TMTC2: variants seen among roughly 807,000 people sequenced by gnomAD.
The protein encoded by TMTC2 is protein O-mannosyl-transferase TMTC2.
TMTC2 carries 43 observed loss-of-function variants against 82.4 expected under a neutral mutation model. The observed-to-expected ratio is 0.52, with a 90% confidence interval of 0.41 to 0.67. The LOEUF is 0.67. Ranked by LOEUF, TMTC2 falls within the 30% of genes least tolerant of loss-of-function variation. The pLI is 0.00. For missense variants in TMTC2, 919 were observed against 1,012.4 expected (o/e 0.91, Z 1.25); for synonymous variants, 408 against 381.9 (o/e 1.07, Z -0.80).
At chr12:82,925,648 T>G (rs1156451830) in intron 3 of TMTC2, among the ~76,000 whole-genome samples, 1 of 152,206 alleles carries the variant, frequency 6.6e-6, no homozygotes, top group Non-Finnish European at 1.5e-5. Context: ...TTTTTAATTA[T>G]TATATCTGTT....
chr12:83,093,399 T>C lies in TMTC2; in HGVS notation c.2331+31568T>C, dbSNP rs1181691701. ...CTCCAGATGTTTCTAGACTTTTCCGTTTCTTTTGTGCCCAAAAGCTGAAAC... is the reference window on the plus strand; with the variant it reads ...CTCCAGATGTTTCTAGACTTTTCCGCTTCTTTTGTGCCCAAAAGCTGAAAC... On this transcript the variant is annotated intron_variant, in intron 11 of 11. Transcript: ENST00000321196. Among the ~76,000 whole-genome samples the C allele has an allele frequency of 2.0e-5, 3 of 152,334 alleles. No homozygotes were observed. The South Asian group carries it at 6.2e-4, about 32-fold the overall frequency.
chr12:82,965,688 G>C lies in TMTC2; in HGVS notation c.1813G>C (p.Val605Leu), dbSNP rs760504766. The C allele has an allele frequency of 3.7e-6, 6 of 1,613,838 alleles. No individual in the cohort carries two copies. In the East Asian group the frequency reaches 1.3e-4, roughly 36 times the overall value. The change falls in exon 6 of 12, where the codon GTT becomes CTT. Residue 605 changes from valine to leucine, a missense_variant. Coordinates refer to ENST00000321196, the MANE Select transcript of TMTC2 (RefSeq NM_152588.3). Reference protein sequence around the residue: ...LKDPHAHKSSVTSCLYNLGKL... With the variant: ...LKDPHAHKSSLTSCLYNLGKL... ...GGACCCTCATGCACACAAGAGCTCT[G>C]TTACCAGTTGTTTGTACAACCTAGG...
chr12:82,870,178 C>G (rs1872101975), intron 2 of TMTC2, among the ~76,000 whole-genome samples: 1 of 152,022 alleles, frequency 6.6e-6, no homozygotes, highest in African/African-American at 2.4e-5. Flanking sequence ...TCCAAGCTTC[C>G]TCGTGAAATT....
chr12:82,690,558 C>A, intron 1 of TMTC2: 1 of 248,460 alleles, frequency 4.0e-6, no homozygotes, highest in Non-Finnish European at 6.4e-6. Flanking sequence ...ATAGCACAAT[C>A]AATTTCTCTA....
chr12:83,091,548 A>T (rs1026349402), intron 11 of TMTC2, among the ~76,000 whole-genome samples: 2 of 152,176 alleles, frequency 1.3e-5, no homozygotes, highest in African/African-American at 4.8e-5. Context: ...AATAATGTCC[A>T]TTTTTTATGT....
intron 1 of TMTC2, among the ~76,000 whole-genome samples, chr12:82,828,388 TGG>T (rs914566030): frequency 6.6e-6 from 1 of 151,922 alleles, no homozygotes; most frequent in African/African-American, 2.4e-5. Flanking sequence ...TATGTAGAGA[TGG>T]GGTTTCGCCA....
At chr12:82,801,116 T>C (rs1462591201) in intron 1 of TMTC2, among the ~76,000 whole-genome samples, 1 of 152,084 alleles carries the variant, frequency 6.6e-6, no homozygotes, top group Non-Finnish European at 1.5e-5. Flanking sequence ...ATAGGCCCCA[T>C]GGGAGGATTT....
intron 1 of TMTC2, among the ~76,000 whole-genome samples, chr12:82,851,006 G>A (rs1414425415): frequency 6.6e-6 from 1 of 152,068 alleles, no homozygotes; most frequent in Non-Finnish European, 1.5e-5. Flanking sequence ...AGAGGTTGCA[G>A]TGAGCTGAAA....
chr12:82,884,322 C>T (rs903266557), intron 2 of TMTC2, among the ~76,000 whole-genome samples: 7 of 152,306 alleles, frequency 4.6e-5, no homozygotes, highest in Admixed American at 4.6e-4. Flanking sequence ...TTCTAATATA[C>T]TACAAACGCT....
rs12318452 is a variant in TMTC2 at position 82,728,486 on chromosome 12, C to T, written c.83+40817C>T. ...CTGTAATCCCACCACTTTGGGAGGC[C>T]GAGGTGGGCAGATCACCTGAGGTCA... On this transcript the variant is annotated intron_variant, in intron 1 of 11. Transcript: ENST00000321196. Among the ~76,000 whole-genome samples the T allele has an allele frequency of 3.7e-3, 560 of 152,102 alleles. 3 individuals carry two copies. Among genetic ancestry groups the T allele is most frequent in the African/African-American group, 0.013 (540 of 41,504 alleles).
intron 1 of TMTC2, among the ~76,000 whole-genome samples, chr12:82,699,597 A>C (rs1366613554): frequency 6.6e-6 from 1 of 152,228 alleles, no homozygotes; most frequent in Non-Finnish European, 1.5e-5. Context: ...GTTTTCCTGC[A>C]CCGACGTGTT....
chr12:82,891,045 C>T (rs184451918), intron 2 of TMTC2, among the ~76,000 whole-genome samples: 1 of 152,152 alleles, frequency 6.6e-6, no homozygotes, highest in East Asian at 1.9e-4. Flanking sequence ...AGTGTTAGGT[C>T]AGTTTGTTAC....
intron 4 of TMTC2, among the ~76,000 whole-genome samples, chr12:82,941,288 G>A (rs1876704831): frequency 6.6e-6 from 1 of 152,068 alleles, no homozygotes; most frequent in Non-Finnish European, 1.5e-5. Flanking sequence ...TGGGACTATA[G>A]GCACATGACA....
intron 9 of TMTC2, among the ~76,000 whole-genome samples, chr12:83,036,811 T>C (rs186656875): frequency 6.6e-6 from 1 of 152,254 alleles, no homozygotes; most frequent in South Asian, 2.1e-4. Flanking sequence ...GGGCATTGCC[T>C]TTGCTTCTGG....
chr12:82,908,664 T>C (rs1220910907), intron 3 of TMTC2, among the ~76,000 whole-genome samples: 1 of 152,182 alleles, frequency 6.6e-6, no homozygotes, highest in Non-Finnish European at 1.5e-5. Flanking sequence ...CTTAACCTTA[T>C]AGAATCAGGT....
At chr12:82,737,049 T>C (rs764912631) in intron 1 of TMTC2, among the ~76,000 whole-genome samples, 2 of 152,134 alleles carry the variant, frequency 1.3e-5, no homozygotes, top group Non-Finnish European at 2.9e-5. Flanking sequence ...AAAAAGTCCA[T>C]CAGGGAGATA....
intron 1 of TMTC2, among the ~76,000 whole-genome samples, chr12:82,700,120 C>A (rs993009143): frequency 3.3e-5 from 5 of 152,062 alleles, no homozygotes; most frequent in African/African-American, 4.8e-5. Flanking sequence ...GAACCAAGCT[C>A]CCCACTGATA....
intron 4 of TMTC2, among the ~76,000 whole-genome samples, chr12:82,932,284 C>T (rs368102864): frequency 3.3e-5 from 5 of 152,126 alleles, no homozygotes; most frequent in East Asian, 1.9e-4. Context: ...CTCAATCTAG[C>T]GGCCTGTGGT....
intron 1 of TMTC2, among the ~76,000 whole-genome samples, chr12:82,849,064 C>T (rs535106098): frequency 1.1e-3 from 173 of 152,078 alleles, no homozygotes; most frequent in Admixed American, 3.3e-3. Context: ...GCTGTGAATG[C>T]GAGCTGTGAA....
Sources: allele counts gnomAD v4.1 joint callset (sites outside exome capture counted in the v4.1 genomes callset), GRCh38; gene constraint gnomAD v4.1.1; transcripts MANE v1.5; gene names NCBI Gene and HGNC (gene_info 2026-07-23, HGNC 2026-07-21).